VPS13B: variants seen among roughly 807,000 people sequenced by gnomAD.
VPS13B encodes vacuolar protein sorting 13 homolog B.
Under a neutral mutation model 426.4 loss-of-function variants are expected in VPS13B, and 285 were observed. The ratio of observed to expected loss-of-function variants is 0.67; its 90% CI spans 0.61 to 0.74. The LOEUF is 0.74. VPS13B is among the 30% of genes least tolerant of loss of function. The probability of loss-of-function intolerance (pLI) is 0.00; values close to 1 mark genes in which losing one functional copy is unlikely to be tolerated. For synonymous variants in VPS13B, 1,676 were observed against 1,676.4 expected (o/e 1.00, Z 0.01); for missense variants, 4,537 against 4,782.6 (o/e 0.95, Z 1.51).
At chr8:99,047,067 T>C (rs2132250072) in intron 3 of VPS13B, among the ~76,000 whole-genome samples, 1 of 152,302 alleles carries the variant, frequency 6.6e-6, no homozygotes, top group Admixed American at 6.5e-5. Context: ...GGATTCCCTC[T>C]TTCTCTATCA....
intron 27 of VPS13B, 41 bp downstream of exon 27, chr8:99,502,991 C>T (rs1313412479): frequency 6.8e-7 from 1 of 1,469,594 alleles, no homozygotes; most frequent in Non-Finnish European, 9.5e-7. Flanking sequence ...CTGTATTTTT[C>T]TTTGAACAAA....
intron 2 of VPS13B, among the ~76,000 whole-genome samples, chr8:99,033,095 A>G (rs1421984530): frequency 6.6e-6 from 1 of 152,160 alleles, no homozygotes; most frequent in East Asian, 1.9e-4. Context: ...AAAAGCATTT[A>G]TACTGTCCTT....
intron 3 of VPS13B, among the ~76,000 whole-genome samples, chr8:99,065,716 G>T (rs552801439): frequency 6.6e-6 from 1 of 152,284 alleles, no homozygotes; most frequent in South Asian, 2.1e-4. Context: ...AAGTCAAATT[G>T]TCCCTGTTTG....
At chr8:99,811,934 C>G (rs527290104) in intron 44 of VPS13B, among the ~76,000 whole-genome samples, 1 of 152,218 alleles carries the variant, frequency 6.6e-6, no homozygotes, top group East Asian at 1.9e-4. Flanking sequence ...GAAATGTTAT[C>G]AGGCATGAGT....
At chr8:99,014,104 T>G (rs1340271361) in intron 2 of VPS13B, among the ~76,000 whole-genome samples, 169 bp downstream of exon 2, 1 of 144,224 alleles carries the variant, frequency 6.9e-6, no homozygotes, top group Non-Finnish European at 1.5e-5. Flanking sequence ...TTCTTTTTCT[T>G]TCTTTCTTTT....
intron 33 of VPS13B, among the ~76,000 whole-genome samples, chr8:99,604,764 A>G (rs937398511): frequency 6.6e-6 from 1 of 152,054 alleles, no homozygotes. Flanking sequence ...TGCTGGGATT[A>G]CAGGTTCCTT....
At chr8:99,497,019 G>A (rs1247064742) in intron 25 of VPS13B, among the ~76,000 whole-genome samples, 1 of 147,948 alleles carries the variant, frequency 6.8e-6, no homozygotes, top group Non-Finnish European at 1.5e-5. Context: ...CAAAGCTGTA[G>A]AATAATCTAA....
chr8:99,174,009 A>C (rs1325726628), intron 16 of VPS13B, among the ~76,000 whole-genome samples: 1 of 152,212 alleles, frequency 6.6e-6, no homozygotes, highest in Non-Finnish European at 1.5e-5. Flanking sequence ...CCACCATTCA[A>C]CTTTCTGTCT....
chr8:99,502,116 C>G (rs1821279745), intron 26 of VPS13B, among the ~76,000 whole-genome samples: 1 of 152,036 alleles, frequency 6.6e-6, no homozygotes, highest in Non-Finnish European at 1.5e-5. Flanking sequence ...TCCCGAATAG[C>G]TGAGATTACA....
chr8:99,308,667 T>C (rs1015511510), intron 19 of VPS13B, among the ~76,000 whole-genome samples: 1 of 152,228 alleles, frequency 6.6e-6, no homozygotes, highest in Non-Finnish European at 1.5e-5. Context: ...TATAGCAGCA[T>C]GATTTATAAT....
At chr8:99,853,334 A>T (rs1402342964) in intron 55 of VPS13B, 117 bp from the exon 56 acceptor site, 1 of 1,029,982 alleles carries the variant, frequency 9.7e-7, no homozygotes, top group Non-Finnish European at 1.4e-6. Context: ...TTTGTTTCTT[A>T]TGAGAATCTG....
chr8:99,805,884 T>C (rs1813370854), intron 43 of VPS13B, among the ~76,000 whole-genome samples: 1 of 152,126 alleles, frequency 6.6e-6, no homozygotes. Context: ...CCTGGATAGA[T>C]TGAATGATGG....
At chr8:99,326,840 A>G (rs1162992982) in intron 19 of VPS13B, among the ~76,000 whole-genome samples, 1 of 152,124 alleles carries the variant, frequency 6.6e-6, no homozygotes, top group Non-Finnish European at 1.5e-5. Context: ...TACTGGCCTC[A>G]GTTGAAGTTC....
At chr8:99,122,884 G>A (rs547821275) in intron 8 of VPS13B, among the ~76,000 whole-genome samples, 107 of 151,990 alleles carry the variant, frequency 7.0e-4, no homozygotes, top group South Asian at 3.7e-3. Context: ...AGGCCGAGGC[G>A]GCCAGATCAC....
intron 36 of VPS13B, among the ~76,000 whole-genome samples, chr8:99,711,499 C>T (rs1048367268): frequency 2.6e-5 from 4 of 151,604 alleles, no homozygotes; most frequent in African/African-American, 7.3e-5. Flanking sequence ...GCCTGAGTTA[C>T]GGGCAAATAA....
At chr8:99,199,646 G>C (rs1814179369) in intron 17 of VPS13B, among the ~76,000 whole-genome samples, 1 of 151,916 alleles carries the variant, frequency 6.6e-6, no homozygotes, top group Non-Finnish European at 1.5e-5. Flanking sequence ...ACCTAATTCT[G>C]TTTGATTACA....
intron 2 of VPS13B, among the ~76,000 whole-genome samples, chr8:99,035,495 T>C (rs1235383914): frequency 6.6e-6 from 1 of 152,208 alleles, no homozygotes; most frequent in African/African-American, 2.4e-5. Context: ...TGGTATATTA[T>C]GGGATTGGCT....
chr8:99,053,492 A>G (rs1302672489), intron 3 of VPS13B, among the ~76,000 whole-genome samples: 3 of 151,972 alleles, frequency 2.0e-5, no homozygotes, highest in Admixed American at 6.5e-5. Context: ...TTATGGCTGC[A>G]TGGAATACTA....
At chr8:99,774,053 A>T (rs1811632930) in intron 40 of VPS13B, among the ~76,000 whole-genome samples, 1 of 152,150 alleles carries the variant, frequency 6.6e-6, no homozygotes, top group South Asian at 2.1e-4. Context: ...ATCCTTAGGT[A>T]AAAGGTAAAC....
Sources: gnomAD v4.1 joint callset for allele counts (sites outside exome capture counted in the v4.1 genomes callset) on GRCh38, gnomAD v4.1.1 for gene constraint, MANE v1.5 for transcripts, NCBI Gene and HGNC (gene_info 2026-07-23, HGNC 2026-07-21) for gene names.